The following PPARGC1A variants were observed in gnomAD, a reference collection of about 807,000 sequenced individuals.
PPARGC1A encodes PPARG coactivator 1 alpha.
In PPARGC1A, 25 loss-of-function variants were observed where a neutral mutation model predicts 88.7. The ratio of observed to expected loss-of-function variants is 0.28; its 90% CI spans 0.21 to 0.39. PPARGC1A has a LOEUF of 0.39. PPARGC1A is among the 10% of genes least tolerant of loss of function. PPARGC1A has a pLI of 1.00. For synonymous variants in PPARGC1A, 363 were observed against 355.6 expected (o/e 1.02, Z -0.24); for missense variants, 880 against 968.7 (o/e 0.91, Z 1.22).
chr4:24,286,598 C>T, the PPARGC1A span, among the ~76,000 whole-genome samples: 12 of 152,182 alleles, frequency 7.9e-5, no homozygotes, highest in Admixed American at 6.5e-4. Context: ...CAGAAGATGG[C>T]TGAGTGAAGG....
At chr4:24,108,266 C>T in the PPARGC1A span, among the ~76,000 whole-genome samples, 1 of 152,154 alleles carries the variant, frequency 6.6e-6, no homozygotes, top group African/African-American at 2.4e-5. Flanking sequence ...ATCTTCCTCC[C>T]ATTTCAACAA....
chr4:23,834,458 C>CA (rs1486278876), intron 2 of PPARGC1A, among the ~76,000 whole-genome samples: 1 of 150,512 alleles, frequency 6.6e-6, no homozygotes, highest in Non-Finnish European at 1.5e-5. Flanking sequence ...CACTGCACTC[C>CA]AGTATGGGTG....
chr4:24,157,349 T>C, the PPARGC1A span, among the ~76,000 whole-genome samples: 1 of 152,206 alleles, frequency 6.6e-6, no homozygotes, highest in Non-Finnish European at 1.5e-5. Context: ...CATCTTCTAA[T>C]AGTGTCAGCC....
the PPARGC1A span, among the ~76,000 whole-genome samples, chr4:23,979,225 C>A: frequency 2.6e-5 from 4 of 152,066 alleles, no homozygotes; most frequent in African/African-American, 9.7e-5. Flanking sequence ...TTTTACCATG[C>A]AATAAAAAAC....
At chr4:24,454,866 T>C in the PPARGC1A span, among the ~76,000 whole-genome samples, 1 of 151,892 alleles carries the variant, frequency 6.6e-6, no homozygotes, top group Middle Eastern at 3.2e-3. Flanking sequence ...TGAAAGATAG[T>C]CATGTGACTG....
At chr4:23,935,567 C>T in the PPARGC1A span, among the ~76,000 whole-genome samples, 10 of 152,136 alleles carry the variant, frequency 6.6e-5, no homozygotes, top group Non-Finnish European at 1.0e-4. Flanking sequence ...AAATAGTGCT[C>T]CCCAGAGGTA....
upstream of PPARGC1A, among the ~76,000 whole-genome samples, chr4:23,908,687 G>A (rs1477682184): frequency 3.3e-5 from 5 of 152,150 alleles, no homozygotes; most frequent in Middle Eastern, 3.4e-3. Flanking sequence ...CTAAATGTTC[G>A]CAGTCTTTCT....
chr4:24,185,794 G>A, the PPARGC1A span, among the ~76,000 whole-genome samples: 30 of 54,140 alleles, frequency 5.5e-4, no homozygotes, highest in African/African-American at 1.9e-3. Context: ...CCCCTCCCCC[G>A]ACCCCACCAC....
chr4:24,314,777 T>G, the PPARGC1A span, among the ~76,000 whole-genome samples: 1 of 152,116 alleles, frequency 6.6e-6, no homozygotes, highest in South Asian at 2.1e-4. Flanking sequence ...TTAACTTTAT[T>G]AAGTTGATTA....
At chr4:24,025,612 C>T in the PPARGC1A span, among the ~76,000 whole-genome samples, 1 of 151,780 alleles carries the variant, frequency 6.6e-6, no homozygotes, top group Admixed American at 6.6e-5. Flanking sequence ...ACTGCCTCAC[C>T]CCCTCACAGA....
At chr4:23,921,006 G>C in the PPARGC1A span, among the ~76,000 whole-genome samples, 1 of 152,132 alleles carries the variant, frequency 6.6e-6, no homozygotes, top group African/African-American at 2.4e-5. Context: ...AGAGGACTGG[G>C]GGTTCTTCCA....
chr4:24,145,256 A>C, the PPARGC1A span, among the ~76,000 whole-genome samples: 1 of 152,158 alleles, frequency 6.6e-6, no homozygotes, highest in Non-Finnish European at 1.5e-5. Context: ...CACTCAGCTA[A>C]TACCAGCAGC....
At chr4:24,089,804 G>GC in the PPARGC1A span, among the ~76,000 whole-genome samples, 13 of 151,968 alleles carry the variant, frequency 8.6e-5, no homozygotes, top group Non-Finnish European at 1.9e-4. Context: ...GCCACCGTGC[G>GC]CGGCCTAGGA....
the PPARGC1A span, among the ~76,000 whole-genome samples, chr4:24,394,497 C>T: frequency 6.6e-6 from 1 of 152,144 alleles, no homozygotes; most frequent in Non-Finnish European, 1.5e-5. Flanking sequence ...GAAGAAAACG[C>T]TGGTTGTGGT....
chr4:23,894,373 C>T (rs369310853), upstream of PPARGC1A, among the ~76,000 whole-genome samples: 3 of 152,116 alleles, frequency 2.0e-5, no homozygotes, highest in South Asian at 6.2e-4. Flanking sequence ...GAAGCAGAGA[C>T]TGCATAGAAC....
chr4:24,356,200 CA>C, the PPARGC1A span, among the ~76,000 whole-genome samples: 2,576 of 74,474 alleles, frequency 0.035, 45 homozygotes, highest in African/African-American at 0.11. Context: ...CCGTCTCAAA[CA>C]AAAAAAAAAA....
chr4:24,055,489 A>G, the PPARGC1A span, among the ~76,000 whole-genome samples: 2,366 of 152,352 alleles, frequency 0.016, 54 homozygotes, highest in African/African-American at 0.054. Flanking sequence ...ACAACTATAC[A>G]TGACAAGAAA....
At chr4:24,212,928 C>T in the PPARGC1A span, among the ~76,000 whole-genome samples, 1 of 152,140 alleles carries the variant, frequency 6.6e-6, no homozygotes, top group Non-Finnish European at 1.5e-5. Flanking sequence ...CTGCAAGGGT[C>T]TACACATATC....
At chr4:24,086,742 AATAG>A in the PPARGC1A span, among the ~76,000 whole-genome samples, 9 of 152,304 alleles carry the variant, frequency 5.9e-5, no homozygotes, top group Admixed American at 5.9e-4. Flanking sequence ...TTAAGTAGGT[AATAG>A]ATAGATAATG....
Sources: gnomAD v4.1 joint callset for allele counts (sites outside exome capture counted in the v4.1 genomes callset) on GRCh38, gnomAD v4.1.1 for gene constraint, MANE v1.5 for transcripts, NCBI Gene and HGNC (gene_info 2026-07-23, HGNC 2026-07-21) for gene names.